The following NEXMIF variants were observed in gnomAD, a reference collection of about 807,000 sequenced individuals.
NEXMIF encodes the protein XLMR protein related to neurite extension.
Under a neutral mutation model 62.1 loss-of-function variants are expected in NEXMIF, and 8 were observed. The ratio of observed to expected loss-of-function variants is 0.13; its 90% CI spans 0.08 to 0.23. The LOEUF is 0.23. Ranked by LOEUF, NEXMIF falls within the 10% of genes least tolerant of loss-of-function variation. The pLI is 1.00. For synonymous variants in NEXMIF, 404 were observed against 416.6 expected (o/e 0.97, Z 0.37); for missense variants, 976 against 1,113.3 (o/e 0.88, Z 1.75).
intron 1 of NEXMIF, among the ~76,000 whole-genome samples, chrX:74,871,688 C>T (rs2080601514): frequency 9.0e-6 from 1 of 111,508 alleles, no homozygotes; most frequent in South Asian, 3.8e-4. Context: ...ATTTCTCCTA[C>T]TCGCACATCC....
At chrX:74,751,860 T>C (rs1287839866) in intron 1 of NEXMIF, among the ~76,000 whole-genome samples, 2 of 97,199 alleles carry the variant, frequency 2.1e-5, no homozygotes, top group Admixed American at 1.1e-4. Context: ...CCTTCCTTCC[T>C]TTCCAGAGTC....
At chrX:74,917,379 A>T (rs2080811008) in intron 1 of NEXMIF, among the ~76,000 whole-genome samples, 1 of 111,928 alleles carries the variant, frequency 8.9e-6, no homozygotes, top group Non-Finnish European at 1.9e-5. Flanking sequence ...AGCCTGTGGG[A>T]CCATGAGCCA....
At chrX:74,873,466 T>C (rs1477879158) in intron 1 of NEXMIF, among the ~76,000 whole-genome samples, 2 of 112,179 alleles carry the variant, frequency 1.8e-5, no homozygotes, top group Admixed American at 9.5e-5. Context: ...TGCAAGTGTC[T>C]TTATAGCAGC....
intron 1 of NEXMIF, among the ~76,000 whole-genome samples, chrX:74,794,048 C>T (rs1269065355): frequency 8.9e-5 from 8 of 89,391 alleles, no homozygotes; most frequent in African/African-American, 1.6e-4. Context: ...GGAGGAGAGG[C>T]GCTCTGCATT....
chrX:74,884,633 C>A (rs1380195788), intron 1 of NEXMIF, among the ~76,000 whole-genome samples: 1 of 111,624 alleles, frequency 9.0e-6, no homozygotes, highest in Admixed American at 9.5e-5. Flanking sequence ...CAGGAGCACC[C>A]AGATTCATAA....
At chrX:74,809,474 G>C (rs1461772308) in intron 1 of NEXMIF, among the ~76,000 whole-genome samples, 2 of 111,335 alleles carry the variant, frequency 1.8e-5, no homozygotes, top group African/African-American at 6.5e-5. Flanking sequence ...AACTGTCTTT[G>C]CATTGTGTTT....
intron 1 of NEXMIF, among the ~76,000 whole-genome samples, chrX:74,841,771 T>G (rs1198646788): frequency 8.9e-6 from 1 of 112,420 alleles, no homozygotes. Flanking sequence ...GTTTATGTGA[T>G]GAATCACATT....
chrX:74,742,638 C>G lies in NEXMIF; in HGVS notation c.1919G>C (p.Arg640Thr), dbSNP rs1279639655. 8.3e-7 allele frequency: 1 copy of G among 1,211,413 alleles called. No homozygotes were observed. The highest frequency in any genetic ancestry group is 2.2e-5 in the Admixed American group (1 of 45,994). The part of the protein sequence containing the change: ...SKLGNRHRIQ[R>T]IPSIEISASS... ...TGCTGAAATTTCAATGGATGGGATT[C>G]TTTGAATCCTGTGCCTGTTGCCAAG... Residue 640 changes from arginine to threonine, a missense_variant, in exon 3 of 4, where the codon AGA becomes ACA. Physicochemically the swap from Arg to Thr is moderately conservative, Grantham distance 71 (BLOSUM62 -1). Transcript: ENST00000055682.
At chrX:74,891,313 AG>A (rs1292065407) in intron 1 of NEXMIF, among the ~76,000 whole-genome samples, 11 of 92,020 alleles carry the variant, frequency 1.2e-4, no homozygotes, top group African/African-American at 4.8e-4. Flanking sequence ...AATATTCAGG[AG>A]GGTTTTTTTT....
At chrX:74,831,855 A>G (rs895309194) in intron 1 of NEXMIF, among the ~76,000 whole-genome samples, 1 of 112,009 alleles carries the variant, frequency 8.9e-6, no homozygotes, top group Non-Finnish European at 1.9e-5. Context: ...ATGCTTTTTC[A>G]GTATCAACTG....
At chrX:74,831,549 T>G (rs2080437313) in intron 1 of NEXMIF, among the ~76,000 whole-genome samples, 3 of 110,653 alleles carry the variant, frequency 2.7e-5, no homozygotes, top group Admixed American at 9.7e-5. Flanking sequence ...CTGCATAGTA[T>G]TCCATGGTGT....
At chrX:74,848,380 C>T (rs1008921891) in intron 1 of NEXMIF, among the ~76,000 whole-genome samples, 15 of 112,372 alleles carry the variant, frequency 1.3e-4, no homozygotes, top group African/African-American at 4.5e-4. Context: ...TTTTCTATGG[C>T]TGCTGTAATA....
At chrX:74,825,731 T>G (rs1348193053) in intron 1 of NEXMIF, among the ~76,000 whole-genome samples, 2 of 111,997 alleles carry the variant, frequency 1.8e-5, no homozygotes, top group East Asian at 2.8e-4. Flanking sequence ...ATTTTTGTAT[T>G]TTTAGTAGAG....
At chrX:74,880,881 T>C (rs1295287638) in intron 1 of NEXMIF, among the ~76,000 whole-genome samples, 1 of 111,659 alleles carries the variant, frequency 9.0e-6, no homozygotes, top group Non-Finnish European at 1.9e-5. Context: ...CATCAGTGAC[T>C]GGGTTTGTCA....
At chrX:74,831,842 C>T (rs2080438723) in intron 1 of NEXMIF, among the ~76,000 whole-genome samples, 1 of 111,797 alleles carries the variant, frequency 8.9e-6, no homozygotes, top group Admixed American at 9.5e-5. Flanking sequence ...CAAATTTTAG[C>T]AAATGCTTTT....
chrX:74,856,586 G>A (rs1443110487), intron 1 of NEXMIF, among the ~76,000 whole-genome samples: 1 of 110,722 alleles, frequency 9.0e-6, no homozygotes, highest in African/African-American at 3.3e-5. Context: ...ATGGAGGGGA[G>A]AGGGCAGAGC....
At chrX:74,878,247 C>T (rs961569169) in intron 1 of NEXMIF, among the ~76,000 whole-genome samples, 2 of 109,892 alleles carry the variant, frequency 1.8e-5, no homozygotes, top group African/African-American at 6.6e-5. Context: ...AGTACCCGGC[C>T]GTGTGAGGTA....
At chrX:74,881,837 C>G (rs1172329864) in intron 1 of NEXMIF, among the ~76,000 whole-genome samples, 1 of 111,790 alleles carries the variant, frequency 8.9e-6, no homozygotes, top group Non-Finnish European at 1.9e-5. Flanking sequence ...AGTACACAGT[C>G]AAGGAGGAGG....
chrX:74,833,702 T>C (rs2080446500), intron 1 of NEXMIF, among the ~76,000 whole-genome samples: 1 of 111,778 alleles, frequency 8.9e-6, no homozygotes, highest in African/African-American at 3.2e-5. Context: ...TCTGGTGGTA[T>C]GATTTAATTG....
Sources: allele counts gnomAD v4.1 joint callset (sites outside exome capture counted in the v4.1 genomes callset), GRCh38; gene constraint gnomAD v4.1.1; transcripts MANE v1.5; gene names NCBI Gene and HGNC (gene_info 2026-07-23, HGNC 2026-07-21).